The following ZNF407 variants were observed in gnomAD, a reference collection of about 807,000 sequenced individuals.
ZNF407 encodes the protein zinc finger protein 407.
A neutral mutation model predicts 131.2 loss-of-function variants in ZNF407; 17 were observed. The observed-to-expected ratio is 0.13, with a 90% CI of 0.09 to 0.19. ZNF407 has a LOEUF of 0.19. ZNF407 is among the 10% of genes least tolerant of loss of function. The pLI is 1.00. For synonymous variants in ZNF407, 1,156 were observed against 1,062.0 expected (o/e 1.09, Z -1.72); for missense variants, 2,681 against 2,830.6 (o/e 0.95, Z 1.20).
In ZNF407 at chr18:74,631,264, A is replaced by G; in HGVS notation, c.245A>G (p.Glu82Gly). ...ASKRRKLDEA[E>G]PLKSGKQGIC... ...AAACGCAGGAAATTAGATGAGGCAG[A>G]GCCCCTTAAATCTGGAAAGCAAGGT... is the stretch of plus-strand genomic sequence containing the variant. Residue 82 changes from glutamate to glycine, a missense_variant, in exon 2 of 9, where the codon GAG (glutamate) becomes GGG (glycine). Glu to Gly is a moderately conservative substitution (Grantham distance 98). This residue lies in a region of ZNF407 where 1,789 missense variants were observed against 1,748.7 expected (regional missense o/e 1.02). Coordinates refer to ENST00000299687, the MANE Select transcript of ZNF407 (RefSeq NM_017757.3). The G allele has an allele frequency of 6.2e-7, 1 of 1,614,044 alleles. No individual in the cohort carries two copies. Among genetic ancestry groups the G allele is most frequent in the Non-Finnish European group, 8.5e-7 (1 of 1,179,894 alleles).
intron 3 of ZNF407, among the ~76,000 whole-genome samples, chr18:74,684,742 T>G (rs1318346311): frequency 6.6e-6 from 1 of 152,242 alleles, no homozygotes; most frequent in Non-Finnish European, 1.5e-5. Flanking sequence ...AAAGGTTGCC[T>G]CTTTGTTTAA....
rs771622807 is a variant in ZNF407, at chr18:74,703,891, A to G, written c.4802+62769A>G. Among the ~76,000 whole-genome samples, 4 of 152,212 alleles carry G rather than the reference A, an allele frequency of 2.6e-5. No homozygotes were observed. The South Asian group carries it at 8.3e-4, about 32-fold the overall frequency. On this transcript the variant is annotated intron_variant, in intron 3 of 8. Coordinates refer to ENST00000299687, the MANE Select transcript of ZNF407 (RefSeq NM_017757.3). This position sits in a 1 kb window ranked among gnomAD's most constrained non-coding sequence, Gnocchi z 4.1. ...GAGGTGGTAAATGTCAATTTGTGCA[A>G]TTTCTTTACATCATCAAAATTATTA...
chr18:74,642,796 G>A (rs1984784755), intron 3 of ZNF407, among the ~76,000 whole-genome samples: 1 of 152,082 alleles, frequency 6.6e-6, no homozygotes, highest in African/African-American at 2.4e-5. Flanking sequence ...CAGAGAGAGA[G>A]CTATGTGTAT....
At chr18:74,762,182 A>G (rs1969110648) in intron 3 of ZNF407, among the ~76,000 whole-genome samples, 1 of 152,094 alleles carries the variant, frequency 6.6e-6, no homozygotes, top group Non-Finnish European at 1.5e-5. Context: ...AATATAATTT[A>G]GGAAACAATG....
At chr18:75,049,433 C>T (rs980461142) in intron 8 of ZNF407, among the ~76,000 whole-genome samples, 23 of 152,096 alleles carry the variant, frequency 1.5e-4, no homozygotes, top group Non-Finnish European at 1.5e-4. Flanking sequence ...CTGATAGGCC[C>T]ACGCGTATTC....
At chr18:75,062,927 A>G (rs1973655019) in intron 8 of ZNF407, 2 of 454,218 alleles carry the variant, frequency 4.4e-6, no homozygotes, top group East Asian at 6.9e-5. Context: ...GGAAATGCAC[A>G]CCCAGTATTA....
chr18:75,009,310 A>AGGAC, intron 8 of ZNF407, among the ~76,000 whole-genome samples: 1 of 152,172 alleles, frequency 6.6e-6, no homozygotes, highest in South Asian at 2.1e-4. Context: ...TTCTTGTATC[A>AGGAC]AGCCACTGTA....
intron 1 of ZNF407, among the ~76,000 whole-genome samples, chr18:74,618,884 A>G (rs1983416037): frequency 6.6e-6 from 1 of 152,158 alleles, no homozygotes; most frequent in Non-Finnish European, 1.5e-5. Context: ...ATACCTAATA[A>G]TTTATGTTCC....
intron 8 of ZNF407, among the ~76,000 whole-genome samples, chr18:74,921,694 G>A (rs1971848822): frequency 6.6e-6 from 1 of 152,184 alleles, no homozygotes; most frequent in South Asian, 2.1e-4. Flanking sequence ...GGAGAGTCTA[G>A]GAGTTTGAAT....
At chr18:74,776,723 C>T (rs912888256) in intron 3 of ZNF407, among the ~76,000 whole-genome samples, 4 of 152,120 alleles carry the variant, frequency 2.6e-5, no homozygotes, top group African/African-American at 9.7e-5. Context: ...TCCTCAAAAA[C>T]GTAACTACTA....
chr18:74,877,508 T>G, intron 5 of ZNF407, 145 bp downstream of exon 5: 5 of 817,056 alleles, frequency 6.1e-6, no homozygotes, highest in Non-Finnish European at 9.5e-6. Flanking sequence ...TATGTATTTA[T>G]AGGTATGGTA....
At position 75,064,563 on chromosome 18, in the gene ZNF407, A is replaced by C; in HGVS notation, c.*95A>C. On this transcript the variant is annotated 3_prime_UTR_variant, in exon 9 of 9. Transcript: ENST00000299687. ...CCTGAGCTTCATCTGAAACCTTCAA[A>C]ACCATGAGGACAAGGCTCCCGTGAG... 1 of 1,172,024 alleles carries C rather than the reference A, an allele frequency of 8.5e-7. No individual in the cohort carries two copies. Among genetic ancestry groups the C allele is most frequent in the Non-Finnish European group, 1.2e-6 (1 of 856,036 alleles). 72.6% of individuals were successfully genotyped at this position (1,172,024 alleles called of 1,614,324 possible). A position where few individuals can be genotyped will look rare whatever the true frequency, so the allele number is the denominator to read the frequency against.
At chr18:74,805,523 T>A (rs948269141) in intron 4 of ZNF407, among the ~76,000 whole-genome samples, 1 of 152,228 alleles carries the variant, frequency 6.6e-6, no homozygotes, top group Non-Finnish European at 1.5e-5. Context: ...CATTATCTGA[T>A]TTTTTGATTC....
chr18:75,042,399 C>T (rs1393985913), intron 8 of ZNF407, among the ~76,000 whole-genome samples: 3 of 151,936 alleles, frequency 2.0e-5, no homozygotes, highest in Admixed American at 6.6e-5. Context: ...AAAAATAAGT[C>T]ACTGAATTGG....
At chr18:75,013,965 A>G (rs77911827) in intron 8 of ZNF407, among the ~76,000 whole-genome samples, 2 of 152,004 alleles carry the variant, frequency 1.3e-5, no homozygotes, top group South Asian at 4.1e-4. Flanking sequence ...CATTTCTGTC[A>G]CCAAAAAGTC....
At chr18:74,931,113 G>A (rs1971978002) in intron 8 of ZNF407, among the ~76,000 whole-genome samples, 1 of 152,104 alleles carries the variant, frequency 6.6e-6, no homozygotes, top group Non-Finnish European at 1.5e-5. Flanking sequence ...CCCTTCAAAA[G>A]GAACGTACAG....
chr18:74,759,409 A>G (rs1969040668), intron 3 of ZNF407, among the ~76,000 whole-genome samples: 1 of 152,126 alleles, frequency 6.6e-6, no homozygotes, highest in South Asian at 2.1e-4. Context: ...GCTTTTGATC[A>G]TGATTTCTTC....
intron 4 of ZNF407, among the ~76,000 whole-genome samples, chr18:74,841,254 G>C (rs546903688): frequency 2.6e-5 from 4 of 152,296 alleles, no homozygotes; most frequent in Non-Finnish European, 5.9e-5. Context: ...AGGCTGAAAT[G>C]GGCCACGGTG....
At chr18:74,613,829 GA>G (rs892055145) in intron 1 of ZNF407, among the ~76,000 whole-genome samples, 28 of 152,236 alleles carry the variant, frequency 1.8e-4, no homozygotes, top group African/African-American at 6.7e-4. Flanking sequence ...TTGTTTTAAA[GA>G]AAAACAAATA....
Sources: gnomAD v4.1 joint callset for allele counts (sites outside exome capture counted in the v4.1 genomes callset) on GRCh38, gnomAD v4.1.1 for gene constraint, gnomAD v4.1.1 regional missense constraint, Gnocchi (gnomAD v3.1) non-coding constraint, MANE v1.5 for transcripts, NCBI Gene and HGNC (gene_info 2026-07-23, HGNC 2026-07-21) for gene names.